Variants in GEN1 observed in about 807,000 individuals in gnomAD.
GEN1 encodes the protein flap endonuclease GEN homolog 1.
A neutral mutation model predicts 67.6 loss-of-function variants in GEN1; 64 were observed. The observed-to-expected ratio is 0.95, with a 90% CI of 0.77 to 1.17. The LOEUF (loss-of-function observed/expected upper bound fraction) is 1.17. Ranked by LOEUF, GEN1 falls within the 50% of genes most tolerant of loss-of-function variation. The probability of loss-of-function intolerance (pLI) is 0.00; values close to 1 mark genes in which losing one functional copy is unlikely to be tolerated. For missense variants in GEN1, 1,058 were observed against 1,048.3 expected (o/e 1.01, Z -0.13); for synonymous variants, 371 against 359.4 (o/e 1.03, Z -0.37).
intron 12 of GEN1, among the ~76,000 whole-genome samples, chr2:17,778,347 C>CAT (rs70964010): frequency 0.64 from 22,261 of 34,802 alleles, 9,596 homozygotes; most frequent in Non-Finnish European, 0.68. Flanking sequence ...TATACACACA[C>CAT]ATGTGTGTAC....
At chr2:17,771,634 T>C (rs984878685) in intron 7 of GEN1, among the ~76,000 whole-genome samples, 2 of 152,100 alleles carry the variant, frequency 1.3e-5, no homozygotes, top group African/African-American at 4.8e-5. Flanking sequence ...TGAAACCATT[T>C]GTTAATATAT....
In GEN1 at chr2:17,781,188, A is replaced by C. The variant is rs1328493898; in HGVS notation, c.1976A>C (p.His659Pro). Residue 659 changes from histidine (H) to proline (P), a missense_variant, in exon 14 of 14, where the codon CAT becomes CCT. Coordinates refer to ENST00000381254, the MANE Select transcript of GEN1 (RefSeq NM_001130009.3). ...TCTGATGGGATTAGTCCTGAAGAGCATCTACTTTCTGGCATTACTGATTTA... is the reference window on the plus strand; with the variant it reads ...TCTGATGGGATTAGTCCTGAAGAGCCTCTACTTTCTGGCATTACTGATTTA... ...EDSDGISPEE[H>P]LLSGITDLCL... 1 of 1,613,878 alleles carries C rather than the reference A, an allele frequency of 6.2e-7. No homozygotes were observed. The highest frequency in any genetic ancestry group is 1.3e-5 in the African/African-American group (1 of 75,076).
At position 17,778,423 on chromosome 2, in the gene GEN1, CATATATGTATATACACACACAT is replaced by C. The variant is rs1672653856; in HGVS notation, c.1264+365_1264+386del. On this transcript the variant is annotated intron_variant, in intron 12 of 13. Transcript: ENST00000381254. ...GTATATACACACATATATGTGTGTA[CATATATGTATATACACACACAT>C]ATATGTGTGTACATATATGTATATA... Among the ~76,000 whole-genome samples the C allele has an allele frequency of 3.2e-5, 3 of 92,952 alleles. 1 individual carries two copies. The highest frequency in any genetic ancestry group is 1.2e-4 in the African/African-American group (3 of 24,922). 61.0% of individuals were successfully genotyped at this position (92,952 alleles called of 152,430 possible). A position where few individuals can be genotyped will look rare whatever the true frequency, so the allele number is the denominator to read the frequency against.
chr2:17,764,992 C>T lies in GEN1; in HGVS notation c.444C>T (p.Val148=), dbSNP rs542006404. Reference sequence around the variant, plus strand: ...CTTATCTCAATGCTGGTGGTCATGTCGATGGCTGCCTCACCAATGATGGAG... The same window carrying T: ...CTTATCTCAATGCTGGTGGTCATGTTGATGGCTGCCTCACCAATGATGGAG... ...MCAYLNAGGH[V]DGCLTNDGDT... The change falls in exon 4 of 14, where the codon GTC becomes GTT. Residue 148 remains valine, a synonymous_variant. Coordinates refer to ENST00000381254, the MANE Select transcript of GEN1 (RefSeq NM_001130009.3). The T allele has an allele frequency of 8.1e-6, 13 of 1,614,122 alleles. No homozygotes were observed. The highest frequency in any genetic ancestry group is 8.0e-5 in the African/African-American group (6 of 75,038).
chr2:17,759,166 C>T (rs954692750), intron 1 of GEN1, among the ~76,000 whole-genome samples: 1 of 152,030 alleles, frequency 6.6e-6, no homozygotes, highest in Non-Finnish European at 1.5e-5. Flanking sequence ...GTATTTGTGT[C>T]GTCAGATTGA....
rs1206212086 is a variant in GEN1 at position 17,786,196 on chromosome 2, C to T, written c.*4257C>T. 6.6e-6 allele frequency: 1 copy of T among 152,208 alleles called. No individual in the cohort carries two copies. Among genetic ancestry groups the T allele is most frequent in the African/African-American group, 2.4e-5 (1 of 41,464 alleles). 9.4% of individuals were successfully genotyped at this position (152,208 alleles called of 1,614,324 possible). A position where few individuals can be genotyped will look rare whatever the true frequency, so the allele number is the denominator to read the frequency against. On this transcript the variant is annotated 3_prime_UTR_variant, in exon 14 of 14. Transcript: ENST00000381254. The stretch of plus-strand genomic sequence containing the variant: ...AAGTCACTGCCACCATTGACACATT[C>T]TAGGGACTCAGTAAATTGTAGCTGT...
At chr2:17,769,357 C>T (rs370669537) in intron 6 of GEN1, among the ~76,000 whole-genome samples, 2 of 151,080 alleles carry the variant, frequency 1.3e-5, no homozygotes, top group Non-Finnish European at 3.0e-5. Context: ...GGATTACAGG[C>T]ATGAGCCACG....
chr2:17,760,460 A>G (rs1671622060), intron 2 of GEN1, among the ~76,000 whole-genome samples: 2 of 152,168 alleles, frequency 1.3e-5, no homozygotes. Context: ...TTGTGTTCAC[A>G]AACTTATCTC....
At chr2:17,754,691 C>T (rs916614088) in intron 1 of GEN1, 5 of 152,310 alleles carry the variant, frequency 3.3e-5, no homozygotes, top group African/African-American at 1.2e-4. Flanking sequence ...CCTCCCTGGT[C>T]CCCATAGGCA....
At chr2:17,753,562 G>C (rs1296774804), upstream of GEN1, 1 of 122,246 alleles carries the variant, frequency 8.2e-6, no homozygotes, top group South Asian at 2.3e-4. Context: ...GCCAGCCAAG[G>C]GGGCAGCGGG....
upstream of GEN1, chr2:17,754,088 G>C (rs942830331): frequency 6.6e-6 from 1 of 152,308 alleles, no homozygotes; most frequent in Non-Finnish European, 1.5e-5. Context: ...CCCCATTGGG[G>C]GAAAGGGGTC....
At position 17,785,160 on chromosome 2, in the gene GEN1, T is replaced by C. The variant is rs1374546520; in HGVS notation, c.*3221T>C. ...TCCCACAGCCATCTCCCCCTCATCA[T>C]CCGTGGAAAAACTGTTTTCCACGAA... On this transcript the variant is annotated 3_prime_UTR_variant, in exon 14 of 14. Coordinates refer to ENST00000381254, the MANE Select transcript of GEN1 (RefSeq NM_001130009.3). The C allele has an allele frequency of 6.6e-6, 1 of 152,236 alleles. No homozygotes were observed. The highest frequency in any genetic ancestry group is 1.5e-5 in the Non-Finnish European group (1 of 68,070). 9.4% of individuals were successfully genotyped at this position (152,236 alleles called of 1,614,324 possible).
At chr2:17,764,206 C>T (rs1477693849) in intron 3 of GEN1, among the ~76,000 whole-genome samples, 1 of 152,186 alleles carries the variant, frequency 6.6e-6, no homozygotes, top group Non-Finnish European at 1.5e-5. Context: ...GACTTCTCCG[C>T]AGTTTCCCAC....
chr2:17,773,216 T>C lies in GEN1; in HGVS notation c.991-3T>C, dbSNP rs754094348. 19 of 1,590,496 alleles carry C rather than the reference T, an allele frequency of 1.2e-5. No homozygotes were observed. Among genetic ancestry groups the C allele is most frequent in the Non-Finnish European group, 1.5e-5 (18 of 1,162,910 alleles). On this transcript the variant is annotated splice_polypyrimidine_tract_variant and splice_region_variant and intron_variant, in intron 9 of 13. Coordinates refer to ENST00000381254, the MANE Select transcript of GEN1 (RefSeq NM_001130009.3). ...CAGTTTCTATTTTCTTTTTTCTTGC[T>C]AGGTTATTCAAGAATTCCTTTTAAA...
intron 1 of GEN1, among the ~76,000 whole-genome samples, chr2:17,757,431 C>G (rs1671485178): frequency 6.6e-6 from 1 of 151,870 alleles, no homozygotes; most frequent in South Asian, 2.1e-4. Flanking sequence ...CAGTTAACAT[C>G]ACAGTCCTAT....
At position 17,788,121 on chromosome 2, in the gene GEN1, T is replaced by A. The variant is rs1320009889; in HGVS notation, c.*6182T>A. The A allele has an allele frequency of 6.6e-6, 1 of 152,238 alleles. No homozygotes were observed. Among genetic ancestry groups the A allele is most frequent in the Non-Finnish European group, 1.5e-5 (1 of 68,054 alleles). 9.4% of individuals were successfully genotyped at this position (152,238 alleles called of 1,614,324 possible). On this transcript the variant is annotated 3_prime_UTR_variant, in exon 14 of 14. Transcript: ENST00000381254. ...GCTTTCTGAAGGTGAAGAGTCTAAA[T>A]CAACTGCTGTTCCTGTTCTGCTGGT...
intron 12 of GEN1, among the ~76,000 whole-genome samples, chr2:17,779,451 C>A (rs1466062695): frequency 6.6e-6 from 1 of 152,242 alleles, no homozygotes; most frequent in Non-Finnish European, 1.5e-5. Flanking sequence ...TAGAAAGAAT[C>A]TCCATCCGGC....
chr2:17,778,944 C>T (rs750021665), intron 12 of GEN1, among the ~76,000 whole-genome samples: 31 of 151,648 alleles, frequency 2.0e-4, no homozygotes, highest in Non-Finnish European at 1.0e-4. Context: ...TTTTTTGAGA[C>T]GGAGTCTTGC....
Position 17,780,054 on chromosome 2 carries a change from A to G in GEN1, c.1341A>G (p.Ala447=), listed in dbSNP as rs16983864. ...LTIEEESLFE[A]AYPEIVAVYQ... ...TTGAGGAAGAATCATTGTTTGAAGC[A>G]GCATATCCTGAGATCGTTGCTGTTT... Residue 447 remains alanine (A), a synonymous_variant, in exon 13 of 14, where the codon GCA becomes GCG. Coordinates refer to ENST00000381254, the MANE Select transcript of GEN1 (RefSeq NM_001130009.3). 18,072 of 1,609,716 alleles carry G rather than the reference A, an allele frequency of 0.011. 610 individuals carry two copies. The African/African-American group carries it at 0.11, about 10-fold the overall frequency.
Sources: allele counts gnomAD v4.1 joint callset (sites outside exome capture counted in the v4.1 genomes callset), GRCh38; gene constraint gnomAD v4.1.1; transcripts MANE v1.5; gene names NCBI Gene and HGNC (gene_info 2026-07-23, HGNC 2026-07-21).